Variants in UFL1 observed in about 807,000 individuals in gnomAD.
UFL1 encodes the protein E3 UFM1-protein ligase 1.
UFL1 carries 78 observed loss-of-function variants against 99.3 expected under a neutral mutation model. The ratio of observed to expected loss-of-function variants is 0.79; its 90% confidence interval spans 0.65 to 0.95. The LOEUF is 0.95. Ranked by LOEUF, UFL1 falls within the 40% of genes least tolerant of loss-of-function variation. The pLI, the probability that UFL1 is intolerant of heterozygous loss-of-function variation, is 0.00. For synonymous variants in UFL1, 335 were observed against 322.2 expected (o/e 1.04, Z -0.42); for missense variants, 936 against 937.0 (o/e 1.00, Z 0.01).
At chr6:96,544,784 A>G (rs1168748502) in intron 12 of UFL1, among the ~76,000 whole-genome samples, 1 of 151,112 alleles carries the variant, frequency 6.6e-6, no homozygotes, top group Non-Finnish European at 1.5e-5. Context: ...GAGGCATTAC[A>G]AGAAAACACT....
At position 96,542,949 on chromosome 6, in the gene UFL1, T is replaced by G. The variant is rs1342077531; in HGVS notation, c.1335T>G (p.Ile445Met). The G allele has an allele frequency of 1.9e-6, 3 of 1,602,366 alleles. No individual in the cohort carries two copies. Among genetic ancestry groups the G allele is most frequent in the Non-Finnish European group, 2.6e-6 (3 of 1,173,590 alleles). ...GGGGNAREYK[I>M]KKVKKKGRKD... is the part of the protein sequence containing the mutation. ...GGGGCAATGCCAGAGAGTACAAAAT[T>G]AAAAAAGTCAAGAAGAAAGGAAGAA... is the stretch of plus-strand genomic sequence containing the variant. Residue 445 changes from isoleucine (I) to methionine (M), a missense_variant, in exon 12 of 19, where the codon ATT becomes ATG. Ile to Met is a conservative substitution (Grantham distance 10). Transcript: ENST00000369278.
chr6:96,538,525 C>A, intron 9 of UFL1, 106 bp from the exon 10 acceptor site: 2 of 1,047,036 alleles, frequency 1.9e-6, no homozygotes, highest in Non-Finnish European at 1.3e-6. Flanking sequence ...CCAAAAGCCA[C>A]TGGACTTAAT....
intron 12 of UFL1, among the ~76,000 whole-genome samples, chr6:96,544,404 T>TAA (rs770088242): frequency 2.1e-5 from 3 of 145,674 alleles, no homozygotes; most frequent in African/African-American, 7.5e-5. Context: ...AAATGAAAAT[T>TAA]AAAAAAAAAA....
chr6:96,553,204 G>C (rs1388230054), intron 18 of UFL1, 81 bp from the exon 19 acceptor site: 15 of 1,318,004 alleles, frequency 1.1e-5, no homozygotes, highest in Non-Finnish European at 1.6e-5. Flanking sequence ...CCTTCAATGT[G>C]TATTAGTTGA....
rs371845747 is a variant in UFL1 at position 96,531,392 on chromosome 6, T to C, written c.596+2760T>C. 2.0e-5 allele frequency among the ~76,000 whole-genome samples: 3 copies of C among 152,252 alleles called. No homozygotes were observed. In the East Asian group the frequency reaches 5.8e-4, roughly 29 times the overall value. ...TTTCCTTCTTTTCCATGTTTGTAGC[T>C]TTGTTCACTGACTAAGAAAAATCTA... On this transcript the variant is annotated intron_variant, in intron 6 of 18. Transcript: ENST00000369278.
chr6:96,544,343 A>AAAGGT (rs1392528613), intron 12 of UFL1, among the ~76,000 whole-genome samples: 2 of 150,854 alleles, frequency 1.3e-5, no homozygotes, highest in Non-Finnish European at 3.0e-5. Flanking sequence ...TCTGTTTAAA[A>AAAGGT]AAGGTAAACT....
chr6:96,549,338 T>C (rs1284229349), intron 13 of UFL1, 74 bp from the exon 14 acceptor site: 1 of 1,228,210 alleles, frequency 8.1e-7, no homozygotes, highest in Non-Finnish European at 1.1e-6. Flanking sequence ...CTTATTTCCA[T>C]AGAAACAAAA....
chr6:96,537,409 G>T lies in UFL1; in HGVS notation c.838G>T (p.Ala280Ser). ...TTTGTCCAGACTTGGAATCCCAGAT[G>T]CTGTAAGCTACATAAAGAAAAGATA... ...DALSRLGIPD[A>S]VSYIKKRYKT... The change falls in exon 9 of 19, where the codon GCT becomes TCT. Residue 280 changes from alanine (A) to serine (S), a missense_variant. Physicochemically the swap from Ala to Ser is moderately conservative, Grantham distance 99. Coordinates refer to ENST00000369278, the MANE Select transcript of UFL1 (RefSeq NM_015323.5). The T allele has an allele frequency of 6.3e-7, 1 of 1,593,066 alleles. No individual in the cohort carries two copies. The highest frequency in any genetic ancestry group is 8.5e-7 in the Non-Finnish European group (1 of 1,172,282).
chr6:96,553,263 A>T (rs962869933), intron 18 of UFL1, 22 bp from the exon 19 acceptor site: 2 of 1,601,162 alleles, frequency 1.2e-6, no homozygotes, highest in African/African-American at 2.7e-5. Flanking sequence ...GTGTTGATTA[A>T]CTTTTCTTTC....
At position 96,553,849 on chromosome 6, in the gene UFL1, G is replaced by T. The variant is rs564386297; in HGVS notation, c.*346G>T. ...CAAATTTTCCAATCCATTTATCCCT[G>T]GGGAAGGATTCATTTGTTGCGAGTG... On this transcript the variant is annotated 3_prime_UTR_variant, in exon 19 of 19. Coordinates refer to ENST00000369278, the MANE Select transcript of UFL1 (RefSeq NM_015323.5). 2.3e-4 allele frequency: 42 copies of T among 186,004 alleles called. 1 individual carries two copies. In the South Asian group the frequency reaches 6.0e-3, roughly 27 times the overall value. 11.5% of individuals were successfully genotyped at this position (186,004 alleles called of 1,614,324 possible). A position where few individuals can be genotyped will look rare whatever the true frequency, so the allele number is the denominator to read the frequency against.
intron 18 of UFL1, among the ~76,000 whole-genome samples, chr6:96,553,070 G>A (rs1456244110): frequency 6.6e-6 from 1 of 151,992 alleles, no homozygotes. Context: ...TTTACCATAA[G>A]TCAACTTATG....
chr6:96,553,334 TAGTC>T lies in UFL1; in HGVS notation c.2222_2225del (p.Ser741LysfsTer12). 1.2e-6 allele frequency: 2 copies of T among 1,613,776 alleles called. No individual in the cohort carries two copies. The highest frequency in any genetic ancestry group is 2.2e-5 in the South Asian group (2 of 91,072). ...TATCAAGGTTTGGTTGTAAAGCAGCTAGTCAGTCAAAGTAAGAAGACTGGGCAGG... is the reference window on the plus strand; with the variant it reads ...TATCAAGGTTTGGTTGTAAAGCAGCTAGTCAAAGTAAGAAGACTGGGCAGG... On this transcript the variant is annotated frameshift_variant, in exon 19 of 19. Transcript: ENST00000369278. LOFTEE classifies it high-confidence loss of function.
At chr6:96,530,095 T>A (rs1183897752) in intron 6 of UFL1, among the ~76,000 whole-genome samples, 2 of 152,184 alleles carry the variant, frequency 1.3e-5, no homozygotes, top group African/African-American at 4.8e-5. Flanking sequence ...AATAATGTCC[T>A]TTATAGAAAA....
At chr6:96,550,773 C>A (rs1336813225) in intron 15 of UFL1, among the ~76,000 whole-genome samples, 1 of 151,956 alleles carries the variant, frequency 6.6e-6, no homozygotes, top group Non-Finnish European at 1.5e-5. Flanking sequence ...TATCTTGTTC[C>A]ATGCCCTTTA....
At position 96,535,370 on chromosome 6, in the gene UFL1, T is replaced by C. The variant is rs372122551; in HGVS notation, c.656-874T>C. 1.1e-4 allele frequency among the ~76,000 whole-genome samples: 17 copies of C among 152,138 alleles called. No homozygotes were observed. The South Asian group carries it at 3.5e-3, about 32-fold the overall frequency. The stretch of plus-strand genomic sequence containing the variant: ...TTCCTTTTTAGAGGATTTTAATTTC[T>C]AAAACAAAATGTTTAGTTAAATGTT... On this transcript the variant is annotated intron_variant, in intron 7 of 18. Transcript: ENST00000369278.
intron 4 of UFL1, among the ~76,000 whole-genome samples, chr6:96,526,039 T>C (rs1769695724): frequency 6.6e-6 from 1 of 150,984 alleles, no homozygotes; most frequent in Non-Finnish European, 1.5e-5. Context: ...TGAGCCATAA[T>C]CATGCCATTG....
At chr6:96,534,885 A>T (rs1235765038) in intron 7 of UFL1, among the ~76,000 whole-genome samples, 1 of 151,914 alleles carries the variant, frequency 6.6e-6, no homozygotes, top group Admixed American at 6.6e-5. Flanking sequence ...TTATCTGTGC[A>T]AATGTAAGAA....
chr6:96,553,535 C>G lies in UFL1; in HGVS notation c.*32C>G, dbSNP rs1034914279. The G allele has an allele frequency of 1.0e-5, 16 of 1,591,188 alleles. No homozygotes were observed. The highest frequency in any genetic ancestry group is 1.4e-5 in the Non-Finnish European group (16 of 1,166,674). On this transcript the variant is annotated 3_prime_UTR_variant, in exon 19 of 19. Coordinates refer to ENST00000369278, the MANE Select transcript of UFL1 (RefSeq NM_015323.5). ...TAATTTACATTTGTCATATAGTAAG[C>G]ATTTTCCCCCAAGGTTGAAGGTGAG...
At position 96,540,586 on chromosome 6, in the gene UFL1, A is replaced by G. The variant is rs765736203; in HGVS notation, c.1210A>G (p.Ile404Val). The change falls in exon 11 of 19, where the codon ATC becomes GTC. Residue 404 changes from isoleucine (I) to valine (V), a missense_variant. Transcript: ENST00000369278. ...HLITEEDLKQ[I>V]STLESVSTSK... is the part of the protein sequence containing the mutation. The stretch of plus-strand genomic sequence containing the variant: ...AATCACTGAAGAAGATCTGAAACAA[A>G]TCTCCACTTTAGAAAGCGTTAGTAC... 1 of 1,607,608 alleles carries G rather than the reference A, an allele frequency of 6.2e-7. No homozygotes were observed. Among genetic ancestry groups the G allele is most frequent in the South Asian group, 1.1e-5 (1 of 90,206 alleles).
Sources: allele counts gnomAD v4.1 joint callset (sites outside exome capture counted in the v4.1 genomes callset), GRCh38; gene constraint gnomAD v4.1.1; transcripts MANE v1.5; gene names NCBI Gene and HGNC (gene_info 2026-07-23, HGNC 2026-07-21).